Variants in BRI3BP observed in about 807,000 individuals in gnomAD.
BRI3BP encodes the protein BRI3-binding protein.
A neutral mutation model predicts 15.8 loss-of-function variants in BRI3BP; 7 were observed. The observed-to-expected ratio is 0.44, with a 90% CI of 0.25 to 0.83. The LOEUF is 0.83. BRI3BP is among the 40% of genes least tolerant of loss of function. The pLI is 0.20. For missense variants in BRI3BP, 320 were observed against 339.3 expected (o/e 0.94, Z 0.45); for synonymous variants, 192 against 163.5 (o/e 1.17, Z -1.33).
At chr12:125,024,081 C>G (rs946875784) in intron 2 of BRI3BP, among the ~76,000 whole-genome samples, 1 of 152,136 alleles carries the variant, frequency 6.6e-6, no homozygotes, top group African/African-American at 2.4e-5. Flanking sequence ...AAACCTGAGA[C>G]TAGGTAATGC....
intron 1 of BRI3BP, among the ~76,000 whole-genome samples, chr12:125,006,611 A>C (rs79818898): frequency 6.6e-6 from 1 of 152,158 alleles, no homozygotes; most frequent in African/African-American, 2.4e-5. Context: ...CAACCCATGA[A>C]TCTGACAAGA....
chr12:125,040,038 C>T, the BRI3BP span, among the ~76,000 whole-genome samples: 1 of 152,090 alleles, frequency 6.6e-6, no homozygotes, highest in African/African-American at 2.4e-5. Flanking sequence ...CCAAGGCAGG[C>T]GGATCACAAG....
intron 1 of BRI3BP, among the ~76,000 whole-genome samples, chr12:125,009,961 G>A (rs1447482398): frequency 6.6e-6 from 1 of 152,100 alleles, no homozygotes; most frequent in African/African-American, 2.4e-5. Flanking sequence ...AATTAGCTGG[G>A]TATGATGGCA....
At chr12:125,020,021 G>A (rs1438960026) in intron 2 of BRI3BP, among the ~76,000 whole-genome samples, 5 of 143,452 alleles carry the variant, frequency 3.5e-5, no homozygotes, top group Admixed American at 7.4e-5. Flanking sequence ...GTGCAGTGGC[G>A]CAACCTCAGC....
intron 1 of BRI3BP, among the ~76,000 whole-genome samples, chr12:125,010,730 C>T (rs544849078): frequency 6.6e-6 from 1 of 152,072 alleles, no homozygotes; most frequent in Admixed American, 6.5e-5. Flanking sequence ...GAGCCGAGAT[C>T]GTGCCACTTG....
At chr12:124,997,735 T>TC (rs1477714301) in intron 1 of BRI3BP, among the ~76,000 whole-genome samples, 8 of 152,136 alleles carry the variant, frequency 5.3e-5, no homozygotes, top group African/African-American at 1.7e-4. Context: ...ACACCTGTAA[T>TC]CCCAGCACTT....
intron 2 of BRI3BP, among the ~76,000 whole-genome samples, chr12:125,024,267 C>CG (rs1565907077): frequency 1.5e-5 from 2 of 133,646 alleles, no homozygotes. Context: ...AACCCCCCCC[C>CG]CTCCACTGTC....
At chr12:125,036,202 T>C (rs1264423092), downstream of BRI3BP, among the ~76,000 whole-genome samples, 3 of 152,122 alleles carry the variant, frequency 2.0e-5, no homozygotes, top group African/African-American at 4.8e-5. Flanking sequence ...GTAGCTGGGA[T>C]TACAGACACA....
Position 125,008,278 on chromosome 12 carries a change from G to T in BRI3BP, c.214-4256G>T, listed in dbSNP as rs1485960939. ...CCGCCTACCCCCACCCAAGGGAGGG[G>T]CAGTCACCCTCCTCTTCTTTCTTTT... On this transcript the variant is annotated intron_variant, in intron 1 of 2. Coordinates refer to ENST00000341446, the MANE Select transcript of BRI3BP (RefSeq NM_080626.6). Among the ~76,000 whole-genome samples, 4 of 150,886 alleles carry T rather than the reference G, an allele frequency of 2.7e-5. No individual in the cohort carries two copies. In the South Asian group the frequency reaches 8.4e-4, roughly 32 times the overall value.
chr12:125,024,628 C>T (rs543628662), intron 2 of BRI3BP, among the ~76,000 whole-genome samples: 10 of 152,046 alleles, frequency 6.6e-5, no homozygotes, highest in South Asian at 2.1e-4. Flanking sequence ...GGAGAAACCC[C>T]GTCTCTACTA....
chr12:125,039,341 TCA>T, the BRI3BP span, among the ~76,000 whole-genome samples: 1 of 152,222 alleles, frequency 6.6e-6, no homozygotes, highest in Non-Finnish European at 1.5e-5. Flanking sequence ...TTCATCATTC[TCA>T]GTCAGTTAAA....
chr12:125,039,949 A>G, the BRI3BP span, among the ~76,000 whole-genome samples: 3 of 152,206 alleles, frequency 2.0e-5, no homozygotes, highest in Non-Finnish European at 4.4e-5. Flanking sequence ...CTCTTTAGCT[A>G]CATATCAGAG....
At position 125,028,938 on chromosome 12, in the gene BRI3BP, G is replaced by C. The variant is rs546988737; in HGVS notation, c.*3508G>C. Reference sequence around the variant, plus strand: ...ATCTTCAGGGCTGTAGAATATATTAGCGTAACACTTCACTGAATGTGACGT... The same window carrying C: ...ATCTTCAGGGCTGTAGAATATATTACCGTAACACTTCACTGAATGTGACGT... On this transcript the variant is annotated 3_prime_UTR_variant, in exon 3 of 3. Coordinates refer to ENST00000341446, the MANE Select transcript of BRI3BP (RefSeq NM_080626.6). 2.6e-5 allele frequency: 4 copies of C among 152,260 alleles called. No individual in the cohort carries two copies. In the East Asian group the frequency reaches 5.8e-4, roughly 22 times the overall value. The allele number at this position is 152,260 out of a possible 1,614,324, so 9.4% of individuals were successfully genotyped here. A position where few individuals can be genotyped will look rare whatever the true frequency, so the allele number is the denominator to read the frequency against.
At chr12:125,012,726 G>C in intron 2 of BRI3BP, 90 bp downstream of exon 2, 1 of 1,040,726 alleles carries the variant, frequency 9.6e-7, no homozygotes, top group Non-Finnish European at 1.5e-6. Flanking sequence ...AGTAATACAT[G>C]AGAAGGTTGC....
downstream of BRI3BP, among the ~76,000 whole-genome samples, chr12:125,034,159 G>A (rs762120237): frequency 1.3e-5 from 2 of 151,604 alleles, no homozygotes; most frequent in African/African-American, 2.4e-5. Context: ...CAATTCTACC[G>A]CCTCAGCCTC....
intron 2 of BRI3BP, among the ~76,000 whole-genome samples, chr12:125,017,149 A>C (rs1339500002): frequency 2.0e-5 from 3 of 151,186 alleles, no homozygotes; most frequent in Non-Finnish European, 2.9e-5. Context: ...TCTCCCGAGT[A>C]GCTGGGATTA....
chr12:124,997,954 G>A (rs549838881), intron 1 of BRI3BP, among the ~76,000 whole-genome samples: 11 of 152,182 alleles, frequency 7.2e-5, no homozygotes, highest in Non-Finnish European at 1.5e-4. Context: ...GTGAAACCCT[G>A]TCTCTACCAA....
the BRI3BP span, among the ~76,000 whole-genome samples, chr12:125,042,310 T>C: frequency 1.3e-5 from 2 of 152,208 alleles, no homozygotes; most frequent in Non-Finnish European, 2.9e-5. Flanking sequence ...TCCCACTTGG[T>C]AAATTTGTTG....
chr12:124,998,994 C>G (rs1288170075), intron 1 of BRI3BP, among the ~76,000 whole-genome samples: 1 of 152,078 alleles, frequency 6.6e-6, no homozygotes, highest in Non-Finnish European at 1.5e-5. Flanking sequence ...GGGAGGATCG[C>G]TTGATCCTGG....
Sources: gnomAD v4.1 joint callset for allele counts (sites outside exome capture counted in the v4.1 genomes callset) on GRCh38, gnomAD v4.1.1 for gene constraint, MANE v1.5 for transcripts, NCBI Gene and HGNC (gene_info 2026-07-23, HGNC 2026-07-21) for gene names.